Variants in ZNF497 observed in about 807,000 individuals in gnomAD.
The protein encoded by ZNF497 is zinc finger-like protein.
For synonymous variants in ZNF497, 422 were observed against 313.7 expected, an observed-to-expected ratio of 1.35 and a Z score of -3.65; for missense variants, 930 against 714.0, an observed-to-expected ratio of 1.30 and a Z score of -3.45.
At position 58,358,511 on chromosome 19, in the gene ZNF497, G is replaced by T; in HGVS notation, c.-37C>A. 8.4e-7 allele frequency: 1 copy of T among 1,184,180 alleles called. No homozygotes were observed. Among genetic ancestry groups the T allele is most frequent in the Non-Finnish European group, 1.1e-6 (1 of 938,508 alleles). The allele number at this position is 1,184,180 out of a possible 1,614,324, so 73.4% of individuals were successfully genotyped here. A position where few individuals can be genotyped will look rare whatever the true frequency, so the allele number is the denominator to read the frequency against. On this transcript the variant is annotated 5_prime_UTR_variant, in exon 2 of 3. Coordinates refer to ENST00000311044, the MANE Select transcript of ZNF497 (RefSeq NM_198458.3). ...TACCTGGAGGTGGGGCCTGGAAGGG[G>T]CCCAGGGGAGCCTCTTGCTCCTCTC...
Position 58,356,210 on chromosome 19 carries a change from C to T in ZNF497, c.1426G>A (p.Gly476Arg), listed in dbSNP as rs772405314. The T allele has an allele frequency of 3.7e-6, 6 of 1,601,420 alleles. No homozygotes were observed. Among genetic ancestry groups the T allele is most frequent in the Non-Finnish European group, 4.3e-6 (5 of 1,173,050 alleles). ...TTGCAACGGTGGCTGAAAGGCTTCC[C>T]GCACTCGCCGCAAGCGTAGGGCCTC... ...GERPYACGEC[G>R]KPFSHRCNLN... Residue 476 changes from glycine (G) to arginine (R), a missense_variant, in exon 3 of 3, where the codon GGG becomes AGG. Coordinates refer to ENST00000311044, the MANE Select transcript of ZNF497 (RefSeq NM_198458.3).
chr19:58,355,672 C>T lies in ZNF497; in HGVS notation c.*467G>A, dbSNP rs1039643895. The T allele has an allele frequency of 6.3e-6, 1 of 159,096 alleles. No individual in the cohort carries two copies. The highest frequency in any genetic ancestry group is 1.4e-5 in the Non-Finnish European group (1 of 73,166). The allele number at this position is 159,096 out of a possible 1,614,324, so 9.9% of individuals were successfully genotyped here. On this transcript the variant is annotated 3_prime_UTR_variant, in exon 3 of 3. Transcript: ENST00000311044. ...ATGCGGTTTCATCATGTTTAACTGT[C>T]ACCTGTGGTTGCCTGAGATGAAGTG... is the stretch of plus-strand genomic sequence containing the variant.
At chr19:58,359,355 G>A (rs1227164459) in intron 1 of ZNF497, 1 of 982,620 alleles carries the variant, frequency 1.0e-6, no homozygotes, top group Non-Finnish European at 1.4e-6. Context: ...TGTGAGCACA[G>A]CAAGGCCACG....
intron 1 of ZNF497, chr19:58,359,532 C>G: frequency 2.2e-6 from 1 of 452,206 alleles, no homozygotes; most frequent in South Asian, 1.6e-5. Context: ...CCCCGCCTCC[C>G]CGCTTTTCTT....
chr19:58,357,398 C>A lies in ZNF497; in HGVS notation c.238G>T (p.Gly80Trp). 1 of 1,597,284 alleles carries A rather than the reference C, an allele frequency of 6.3e-7. No homozygotes were observed. The change falls in exon 3 of 3, where the codon GGG becomes TGG. Residue 80 changes from glycine to tryptophan, a missense_variant. By Grantham distance (184) the Gly-to-Trp change is radical (BLOSUM62 -2). Transcript: ENST00000311044. ...CTCCTGGGCCCAGCCCCGTCCCGCC[C>A]ACCGTCTGCGGGGCCCAGCTCCCTG... ...PGRELGPADG[G>W]RDGAGPRSEP...
chr19:58,357,619 C>T lies in ZNF497; in HGVS notation c.17G>A (p.Gly6Glu), dbSNP rs753690796. The T allele has an allele frequency of 4.6e-6, 7 of 1,529,514 alleles. 1 individual carries two copies. In the South Asian group the frequency reaches 7.7e-5, roughly 17 times the overall value. 94.7% of individuals were successfully genotyped at this position (1,529,514 alleles called of 1,614,324 possible). A position where few individuals can be genotyped will look rare whatever the true frequency, so the allele number is the denominator to read the frequency against. The change falls in exon 3 of 3, where the codon GGG (glycine) becomes GAG (glutamate). Residue 6 changes from glycine (G) to glutamate (E), a missense_variant. Transcript: ENST00000311044. ...CTCTGGGGCCACCTGCAGGGTCCAC[C>T]CTCTTGGGGACTCCATCTCGCGCCT... is the stretch of plus-strand genomic sequence containing the variant. MESPR[G>E]WTLQVAPEEG...
At chr19:58,360,813 G>A (rs1415402342) in intron 1 of ZNF497, among the ~76,000 whole-genome samples, 2 of 96,536 alleles carry the variant, frequency 2.1e-5, no homozygotes, top group African/African-American at 8.3e-5. Context: ...GAAGAGTCTT[G>A]CTCTGTCGCC....
Position 58,358,411 on chromosome 19 carries a change from A to G in ZNF497, c.-15+78T>C, listed in dbSNP as rs1347069855. On this transcript the variant is annotated intron_variant, in intron 2 of 2. Coordinates refer to ENST00000311044, the MANE Select transcript of ZNF497 (RefSeq NM_198458.3). ...GCAAAACCCATCCTCATTTGCCCTG[A>G]GCACCTTATCATCCTTGTGTAGTCT... 5.2e-6 allele frequency: 6 copies of G among 1,156,748 alleles called. No homozygotes were observed. The African/African-American group carries it at 8.0e-5, about 15-fold the overall frequency. 71.7% of individuals were successfully genotyped at this position (1,156,748 alleles called of 1,614,324 possible). A position where few individuals can be genotyped will look rare whatever the true frequency, so the allele number is the denominator to read the frequency against.
chr19:58,355,509 C>A lies in ZNF497; in HGVS notation c.*630G>T, dbSNP rs1338034982. On this transcript the variant is annotated 3_prime_UTR_variant, in exon 3 of 3. Transcript: ENST00000311044. ...CTGGGTGACAGAGTGAAACCCTGCC[C>A]CCTCCCCCAAAAAAGAAAAGTCCCA... 2.0e-5 allele frequency: 3 copies of A among 152,258 alleles called. No individual in the cohort carries two copies. Among genetic ancestry groups the A allele is most frequent in the Non-Finnish European group, 4.4e-5 (3 of 68,194 alleles). The allele number at this position is 152,258 out of a possible 1,614,324, so 9.4% of individuals were successfully genotyped here.
At chr19:58,358,214 A>G (rs902528076) in intron 2 of ZNF497, 22 of 1,289,738 alleles carry the variant, frequency 1.7e-5, no homozygotes, top group East Asian at 5.5e-5. Flanking sequence ...TACCCAGGCA[A>G]TGTCCACACC....
intron 1 of ZNF497, chr19:58,359,532 C>T (rs1285129222): frequency 6.6e-6 from 3 of 452,206 alleles, no homozygotes; most frequent in South Asian, 4.7e-5. Flanking sequence ...CCCCGCCTCC[C>T]CGCTTTTCTT....
chr19:58,356,610 GC>G lies in ZNF497; in HGVS notation c.1025del (p.Gly342AlafsTer33). ...CGCGCCGGTGCTCCGCCAGGTAGGAGCCCATGACGAAAGCCTGGCCGCACTC... is the reference window on the plus strand; with the variant it reads ...CGCGCCGGTGCTCCGCCAGGTAGGAGCCATGACGAAAGCCTGGCCGCACTC... ...CAECGQAFVM[G>X]SYLAEHRRVH... On this transcript the variant is annotated frameshift_variant, in exon 3 of 3. Coordinates refer to ENST00000311044, the MANE Select transcript of ZNF497 (RefSeq NM_198458.3). 6.5e-7 allele frequency: 1 copy of G among 1,545,880 alleles called. No homozygotes were observed.
At chr19:58,358,805 C>G in intron 1 of ZNF497, 1 of 457,834 alleles carries the variant, frequency 2.2e-6, no homozygotes, top group South Asian at 1.5e-5. Context: ...AGCCCCCAGG[C>G]CCTCTCAGCC....
In ZNF497 at chr19:58,358,315, G is replaced by A; in HGVS notation, c.-15+174C>T. ...AGAGAGAGAGAGGCCAAGGGTGGGA[G>A]GGCCTCCTTGGTCCTAAGGCCATGC... On this transcript the variant is annotated intron_variant, in intron 2 of 2. Transcript: ENST00000311044. 3.9e-6 allele frequency: 5 copies of A among 1,279,456 alleles called. No homozygotes were observed. In the South Asian group the frequency reaches 6.2e-5, roughly 16 times the overall value. 79.3% of individuals were successfully genotyped at this position (1,279,456 alleles called of 1,614,324 possible).
intron 1 of ZNF497, among the ~76,000 whole-genome samples, chr19:58,360,218 T>TA (rs1185836618): frequency 6.6e-6 from 1 of 152,142 alleles, no homozygotes; most frequent in Non-Finnish European, 1.5e-5. Context: ...TATTCTGGAA[T>TA]TAGTGGTGAT....
At chr19:58,359,565 C>T in intron 1 of ZNF497, 1 of 421,924 alleles carries the variant, frequency 2.4e-6, no homozygotes, top group Middle Eastern at 3.4e-4. Flanking sequence ...CCTGCCCTGT[C>T]TCCTTGGCAC....
In ZNF497 at chr19:58,356,872, A is replaced by C; in HGVS notation, c.764T>G (p.Phe255Cys). The change falls in exon 3 of 3, where the codon TTC (phenylalanine) becomes TGC (cysteine). Residue 255 changes from phenylalanine (F) to cysteine (C), a missense_variant. Transcript: ENST00000311044. ...PHACRDCGKA[F>C]SQSSNLAEHL... Reference sequence around the variant, plus strand: ...CTCGGCCAGGTTGGAGCTCTGGCTGAAGGCCTTGCCACAGTCCCGGCAGGC... The same window carrying C: ...CTCGGCCAGGTTGGAGCTCTGGCTGCAGGCCTTGCCACAGTCCCGGCAGGC... 6.3e-7 allele frequency: 1 copy of C among 1,590,876 alleles called. No individual in the cohort carries two copies. The highest frequency in any genetic ancestry group is 1.7e-4 in the Middle Eastern group (1 of 6,040).
At chr19:58,357,800 G>C in intron 2 of ZNF497, 151 bp from the exon 3 acceptor site, 3 of 1,208,156 alleles carry the variant, frequency 2.5e-6, no homozygotes, top group Non-Finnish European at 2.2e-6. Context: ...GCCTGGAGCA[G>C]GAAGGCCAGC....
chr19:58,359,277 C>T (rs969914081), intron 1 of ZNF497: 9 of 1,289,810 alleles, frequency 7.0e-6, no homozygotes, highest in African/African-American at 1.5e-5. Context: ...CTGCCCCTTT[C>T]CTGGGAGGGG....
Sources: allele counts gnomAD v4.1 joint callset (sites outside exome capture counted in the v4.1 genomes callset), GRCh38; gene constraint gnomAD v4.1.1; transcripts MANE v1.5; gene names NCBI Gene and HGNC (gene_info 2026-07-23, HGNC 2026-07-21).